The following ZNF385D variants were observed in gnomAD, a reference collection of about 807,000 sequenced individuals.
The protein encoded by ZNF385D is zinc finger protein 659.
ZNF385D carries 15 observed loss-of-function variants against 35.8 expected under a neutral mutation model. That is an observed-to-expected ratio of 0.42 (90% CI 0.28 to 0.64). The LOEUF is 0.64. Ranked by LOEUF, ZNF385D falls within the 30% of genes least tolerant of loss-of-function variation. The pLI, the probability that ZNF385D is intolerant of heterozygous loss-of-function variation, is 0.23. For missense variants in ZNF385D, 474 were observed against 494.6 expected, an observed-to-expected ratio of 0.96 and a Z score of 0.39; for synonymous variants, 212 against 186.8, an observed-to-expected ratio of 1.13 and a Z score of -1.10.
chr3:21,801,178 T>C (rs1372560434), intron 3 of ZNF385D, among the ~76,000 whole-genome samples: 2 of 152,182 alleles, frequency 1.3e-5, no homozygotes, highest in Non-Finnish European at 2.9e-5. Context: ...TAAATCCTAC[T>C]TGGTCCTGAT....
intron 3 of ZNF385D, among the ~76,000 whole-genome samples, chr3:22,163,899 G>T (rs1706132016): frequency 6.8e-6 from 1 of 146,138 alleles, no homozygotes; most frequent in Non-Finnish European, 1.5e-5. Context: ...ACCTAAAAAG[G>T]ATGATGTGCT....
At chr3:21,972,642 AGTT>A (rs1440018681) in intron 3 of ZNF385D, among the ~76,000 whole-genome samples, 2 of 151,924 alleles carry the variant, frequency 1.3e-5, no homozygotes, top group Non-Finnish European at 2.9e-5. Context: ...CAAAATGAAA[AGTT>A]GTTTTTTTGA....
chr3:21,974,840 G>C (rs535410729), intron 3 of ZNF385D, among the ~76,000 whole-genome samples: 1 of 152,284 alleles, frequency 6.6e-6, no homozygotes, highest in South Asian at 2.1e-4. Context: ...CTGATCATCA[G>C]AGAAATGCAA....
chr3:21,969,563 C>A (rs540883153), intron 3 of ZNF385D, among the ~76,000 whole-genome samples: 22 of 152,272 alleles, frequency 1.4e-4, no homozygotes, highest in Non-Finnish European at 2.8e-4. Flanking sequence ...TTAATACCCG[C>A]GGTGCTTGAC....
chr3:21,900,108 G>T (rs1699325852), intron 3 of ZNF385D, among the ~76,000 whole-genome samples: 1 of 152,074 alleles, frequency 6.6e-6, no homozygotes, highest in African/African-American at 2.4e-5. Flanking sequence ...TTGCTAGTGA[G>T]AAAATGTTCA....
intron 2 of ZNF385D, among the ~76,000 whole-genome samples, chr3:22,199,814 T>C (rs897514961): frequency 6.6e-5 from 10 of 152,178 alleles, no homozygotes; most frequent in African/African-American, 1.9e-4. Context: ...TATGCATATA[T>C]GTGGTGTATA....
At chr3:22,352,661 A>G (rs957959915) in intron 2 of ZNF385D, among the ~76,000 whole-genome samples, 1 of 152,190 alleles carries the variant, frequency 6.6e-6, no homozygotes, top group Non-Finnish European at 1.5e-5. Flanking sequence ...ATGTACAAAC[A>G]TCCTGAGGTT....
intron 3 of ZNF385D, among the ~76,000 whole-genome samples, chr3:22,098,183 G>T (rs982315832): frequency 1.3e-5 from 2 of 152,032 alleles, no homozygotes; most frequent in Non-Finnish European, 2.9e-5. Context: ...AATCTATTAC[G>T]ACCAATAAAA....
At chr3:21,564,274 C>T (rs1292521180) in intron 3 of ZNF385D, among the ~76,000 whole-genome samples, 1 of 151,832 alleles carries the variant, frequency 6.6e-6, no homozygotes, top group Admixed American at 6.6e-5. Context: ...TTTACTGTTC[C>T]CAAAGGCAAA....
chr3:22,063,392 A>G (rs891951741), intron 3 of ZNF385D, among the ~76,000 whole-genome samples: 1 of 151,586 alleles, frequency 6.6e-6, no homozygotes, highest in Non-Finnish European at 1.5e-5. Context: ...AAAGCCTCAG[A>G]GTTACAGAGA....
At chr3:22,040,328 T>C (rs929849323) in intron 3 of ZNF385D, among the ~76,000 whole-genome samples, 1 of 152,138 alleles carries the variant, frequency 6.6e-6, no homozygotes, top group African/African-American at 2.4e-5. Flanking sequence ...CTTACTACAC[T>C]TTAAGGAAGG....
At chr3:21,865,949 T>C (rs1201079179) in intron 3 of ZNF385D, among the ~76,000 whole-genome samples, 1 of 152,026 alleles carries the variant, frequency 6.6e-6, no homozygotes, top group Admixed American at 6.6e-5. Context: ...AAATTTACAT[T>C]ATTGTGTTTG....
chr3:22,258,058 A>G (rs1197472764), intron 2 of ZNF385D, among the ~76,000 whole-genome samples: 1 of 151,766 alleles, frequency 6.6e-6, no homozygotes, highest in Non-Finnish European at 1.5e-5. Context: ...AATGTTTCCT[A>G]CAGAGGTACA....
chr3:21,558,918 T>C (rs562532792), intron 3 of ZNF385D, among the ~76,000 whole-genome samples: 8 of 152,264 alleles, frequency 5.3e-5, no homozygotes, highest in African/African-American at 1.9e-4. Flanking sequence ...CATTATGTAA[T>C]GTCCTTCTTT....
chr3:21,989,562 T>C (rs948625654), intron 3 of ZNF385D, among the ~76,000 whole-genome samples: 1 of 152,194 alleles, frequency 6.6e-6, no homozygotes, highest in Non-Finnish European at 1.5e-5. Flanking sequence ...GAATAAATGA[T>C]GAAATAGGCT....
At chr3:21,557,076 A>G (rs959947036) in intron 3 of ZNF385D, among the ~76,000 whole-genome samples, 1 of 152,156 alleles carries the variant, frequency 6.6e-6, no homozygotes, top group Non-Finnish European at 1.5e-5. Context: ...GGCTGAGACA[A>G]TTGGGTTATC....
At chr3:22,092,112 A>G (rs554870041) in intron 3 of ZNF385D, among the ~76,000 whole-genome samples, 1 of 152,296 alleles carries the variant, frequency 6.6e-6, no homozygotes, top group African/African-American at 2.4e-5. Flanking sequence ...AAACTGAGTA[A>G]CCAAAGGCAT....
intron 2 of ZNF385D, among the ~76,000 whole-genome samples, chr3:21,625,282 G>C (rs527692478): frequency 6.6e-6 from 1 of 152,080 alleles, no homozygotes; most frequent in East Asian, 1.9e-4. Flanking sequence ...ACGTGCTTTT[G>C]CCGTTCTCGT....
chr3:21,885,745 T>A (rs1046360895), intron 3 of ZNF385D, among the ~76,000 whole-genome samples: 1 of 64,986 alleles, frequency 1.5e-5, no homozygotes, highest in African/African-American at 6.4e-5. Flanking sequence ...TGTGTCTGTG[T>A]GTGTGTGTGT....
Sources: gnomAD v4.1 joint callset for allele counts (sites outside exome capture counted in the v4.1 genomes callset) on GRCh38, gnomAD v4.1.1 for gene constraint, MANE v1.5 for transcripts, NCBI Gene and HGNC (gene_info 2026-07-23, HGNC 2026-07-21) for gene names.